Variants in TBC1D1 observed in about 807,000 individuals in gnomAD.
The protein encoded by TBC1D1 is TBC1 domain family member 1.
Under a neutral mutation model 125.6 loss-of-function variants are expected in TBC1D1, and 89 were observed. The ratio of observed to expected loss-of-function variants is 0.71; its 90% CI spans 0.60 to 0.85. The LOEUF (loss-of-function observed/expected upper bound fraction) is 0.85, where lower values mean the gene tolerates loss of function less well. TBC1D1 is among the 40% of genes least tolerant of loss of function. The probability of loss-of-function intolerance (pLI) is 0.00; values close to 1 mark genes in which losing one functional copy is unlikely to be tolerated. For missense variants in TBC1D1, 1,377 were observed against 1,469.2 expected (o/e 0.94, Z 1.03); for synonymous variants, 565 against 564.1 (o/e 1.00, Z -0.02).
intron 1 of TBC1D1, among the ~76,000 whole-genome samples, chr4:37,894,264 G>A (rs56804438): frequency 0.62 from 93,512 of 151,958 alleles, 29,580 homozygotes; most frequent in Non-Finnish European, 0.68. Flanking sequence ...TGGGATTACA[G>A]GTGTGAGCCA....
At chr4:37,919,580 G>GT (rs1255995373) in intron 2 of TBC1D1, among the ~76,000 whole-genome samples, 1 of 151,544 alleles carries the variant, frequency 6.6e-6, no homozygotes, top group Non-Finnish European at 1.5e-5. Context: ...GTGATCACTG[G>GT]TTAAAAAAAA....
intron 12 of TBC1D1, among the ~76,000 whole-genome samples, chr4:38,087,375 G>A (rs761156815): frequency 6.6e-6 from 1 of 152,186 alleles, no homozygotes; most frequent in African/African-American, 2.4e-5. Flanking sequence ...TGTTAGGAAT[G>A]TTCCATCCTC....
chr4:38,033,351 CCTGT>C (rs765256225), intron 7 of TBC1D1, among the ~76,000 whole-genome samples: 2 of 151,932 alleles, frequency 1.3e-5, no homozygotes, highest in Non-Finnish European at 2.9e-5. Flanking sequence ...CCTCATAATT[CCTGT>C]CTGTTTCCCT....
At chr4:37,913,724 G>A (rs990099139) in intron 2 of TBC1D1, among the ~76,000 whole-genome samples, 1 of 147,764 alleles carries the variant, frequency 6.8e-6, no homozygotes, top group East Asian at 2.0e-4. Context: ...GCTCCCTCCA[G>A]TTACTGGCCC....
intron 2 of TBC1D1, among the ~76,000 whole-genome samples, chr4:37,919,599 CA>C: frequency 6.6e-6 from 1 of 152,258 alleles, no homozygotes; most frequent in East Asian, 1.9e-4. Context: ...AAGAGAAATA[CA>C]TATTTCTCAA....
chr4:38,024,820 A>AC (rs1470877117), intron 6 of TBC1D1, among the ~76,000 whole-genome samples: 1 of 152,258 alleles, frequency 6.6e-6, no homozygotes, highest in African/African-American at 2.4e-5. Context: ...AGAACTCTGT[A>AC]AAACTGTGGA....
intron 19 of TBC1D1, among the ~76,000 whole-genome samples, chr4:38,136,036 C>G (rs1482584226): frequency 6.6e-6 from 1 of 151,762 alleles, no homozygotes; most frequent in Non-Finnish European, 1.5e-5. Context: ...TAGACCAAGT[C>G]ACAGAGCACT....
intron 12 of TBC1D1, among the ~76,000 whole-genome samples, chr4:38,062,103 C>A (rs1004662410): frequency 3.3e-5 from 5 of 152,098 alleles, no homozygotes; most frequent in Non-Finnish European, 7.4e-5. Flanking sequence ...GGCCTGAATT[C>A]TTTCTTTTTA....
intron 2 of TBC1D1, among the ~76,000 whole-genome samples, chr4:37,940,052 C>T (rs1725221597): frequency 6.6e-6 from 1 of 152,106 alleles, no homozygotes; most frequent in South Asian, 2.1e-4. Context: ...TTTTCCAATT[C>T]TGTGAAGAAA....
chr4:37,951,273 C>A (rs188319032), intron 2 of TBC1D1, among the ~76,000 whole-genome samples: 30 of 152,108 alleles, frequency 2.0e-4, no homozygotes, highest in African/African-American at 7.0e-4. Flanking sequence ...TAAAAATGAT[C>A]GTGGGAAGAG....
intron 2 of TBC1D1, among the ~76,000 whole-genome samples, chr4:37,993,010 G>T (rs1378445214): frequency 6.6e-6 from 1 of 151,784 alleles, no homozygotes; most frequent in Non-Finnish European, 1.5e-5. Context: ...CACCATGTTA[G>T]CCAGGACGGT....
intron 12 of TBC1D1, among the ~76,000 whole-genome samples, chr4:38,074,052 T>G (rs1755156854): frequency 6.6e-6 from 1 of 152,192 alleles, no homozygotes; most frequent in Non-Finnish European, 1.5e-5. Context: ...CACAATTGCT[T>G]CAGCTTTTTG....
At chr4:37,990,426 C>T (rs1027547619) in intron 2 of TBC1D1, among the ~76,000 whole-genome samples, 1 of 151,920 alleles carries the variant, frequency 6.6e-6, no homozygotes, top group Non-Finnish European at 1.5e-5. Flanking sequence ...ATTGGATACC[C>T]CTGTATTAGA....
chr4:38,044,957 G>A (rs867330867), intron 9 of TBC1D1, among the ~76,000 whole-genome samples: 4 of 152,128 alleles, frequency 2.6e-5, no homozygotes, highest in East Asian at 1.9e-4. Flanking sequence ...TTGAAACACC[G>A]CCACATCCAT....
At chr4:38,134,863 A>G (rs969554116) in intron 19 of TBC1D1, among the ~76,000 whole-genome samples, 1 of 152,190 alleles carries the variant, frequency 6.6e-6, no homozygotes, top group Non-Finnish European at 1.5e-5. Context: ...CTCTTGACCA[A>G]GTAGTCCTAC....
chr4:38,112,803 C>T (rs1393473339), intron 15 of TBC1D1, among the ~76,000 whole-genome samples: 1 of 152,202 alleles, frequency 6.6e-6, no homozygotes, highest in Admixed American at 6.5e-5. Flanking sequence ...AGGCCAGTGC[C>T]TGTCGAGCGG....
intron 2 of TBC1D1, among the ~76,000 whole-genome samples, chr4:37,996,553 A>T (rs948701735): frequency 6.6e-6 from 1 of 152,244 alleles, no homozygotes; most frequent in Non-Finnish European, 1.5e-5. Context: ...CGCTGATCAG[A>T]ATGAAGATCT....
intron 1 of TBC1D1, among the ~76,000 whole-genome samples, chr4:37,897,880 A>G (rs1714990058): frequency 6.6e-6 from 1 of 152,228 alleles, no homozygotes; most frequent in Non-Finnish European, 1.5e-5. Flanking sequence ...AAGAGAGATC[A>G]TTATTTATGG....
chr4:38,055,565 T>G (rs1225718029), intron 12 of TBC1D1, among the ~76,000 whole-genome samples: 1 of 152,286 alleles, frequency 6.6e-6, no homozygotes, highest in East Asian at 1.9e-4. Context: ...GCCCCTTGCT[T>G]CTTTTGCCCC....
Sources: allele counts gnomAD v4.1 joint callset (sites outside exome capture counted in the v4.1 genomes callset), GRCh38; gene constraint gnomAD v4.1.1; transcripts MANE v1.5; gene names NCBI Gene and HGNC (gene_info 2026-07-23, HGNC 2026-07-21).